The following RANBP2 variants were observed in gnomAD, a reference collection of about 807,000 sequenced individuals.
RANBP2 encodes RAN binding protein 2, also known as E3 SUMO-protein ligase RanBP2.
RANBP2 carries 57 observed loss-of-function variants against 303.6 expected under a neutral mutation model. The ratio of observed to expected loss-of-function variants is 0.19; its 90% CI spans 0.15 to 0.23. RANBP2 has a LOEUF of 0.23. Among genes scored for constraint, RANBP2 ranks in the 10% least tolerant of loss-of-function variants. The pLI, the probability that RANBP2 is intolerant of heterozygous loss-of-function variation, is 1.00. For synonymous variants in RANBP2, 1,167 were observed against 1,301.5 expected, an observed-to-expected ratio of 0.90 and a Z score of 2.23; for missense variants, 3,138 against 3,780.8, an observed-to-expected ratio of 0.83 and a Z score of 4.46.
chr2:108,926,778 C>T, the RANBP2 span, among the ~76,000 whole-genome samples: 290 of 152,360 alleles, frequency 1.9e-3, 2 homozygotes, highest in Admixed American at 3.6e-3. Context: ...TGCCAAACCG[C>T]AGGCAGGGGC....
the RANBP2 span, among the ~76,000 whole-genome samples, chr2:108,931,327 G>C: frequency 1.3e-5 from 2 of 152,206 alleles, no homozygotes; most frequent in Admixed American, 6.5e-5. Context: ...CGTGCTCAGA[G>C]GGTTTGGAGA....
At chr2:109,616,110 T>C in the RANBP2 span, 2 of 1,446,594 alleles carry the variant, frequency 1.4e-6, no homozygotes, top group Non-Finnish European at 1.8e-6. Flanking sequence ...TTTGTCTTAA[T>C]AAATTGAATA....
the RANBP2 span, among the ~76,000 whole-genome samples, chr2:109,677,317 C>A: frequency 6.6e-6 from 1 of 152,154 alleles, no homozygotes; most frequent in Non-Finnish European, 1.5e-5. Context: ...CAGTGTCCTG[C>A]CCGACGTTTC....
the RANBP2 span, among the ~76,000 whole-genome samples, chr2:108,943,775 C>G: frequency 6.6e-6 from 1 of 152,164 alleles, no homozygotes; most frequent in Admixed American, 6.5e-5. Context: ...CCTCCTTTCT[C>G]CAGGATGCTC....
chr2:109,668,543 C>G, the RANBP2 span, among the ~76,000 whole-genome samples: 3 of 152,132 alleles, frequency 2.0e-5, no homozygotes, highest in African/African-American at 7.2e-5. Context: ...GAGGGACTAC[C>G]AGAGAAAGTG....
the RANBP2 span, among the ~76,000 whole-genome samples, chr2:108,966,986 G>T: frequency 6.6e-6 from 1 of 152,354 alleles, no homozygotes; most frequent in East Asian, 1.9e-4. Flanking sequence ...CCAGGCTGGA[G>T]TGCTGTGGCA....
chr2:109,084,664 C>T, the RANBP2 span, among the ~76,000 whole-genome samples: 1 of 152,132 alleles, frequency 6.6e-6, no homozygotes, highest in Non-Finnish European at 1.5e-5. Flanking sequence ...GGTCCAGGTT[C>T]GAAGGAGCTG....
the RANBP2 span, among the ~76,000 whole-genome samples, chr2:109,320,236 G>C: frequency 9.8e-5 from 15 of 152,324 alleles, no homozygotes; most frequent in Middle Eastern, 3.4e-3. Flanking sequence ...TTTGAGGGCT[G>C]CTTTCCGGGC....
the RANBP2 span, among the ~76,000 whole-genome samples, chr2:109,072,733 G>T: frequency 6.6e-6 from 1 of 152,150 alleles, no homozygotes; most frequent in Non-Finnish European, 1.5e-5. Flanking sequence ...ATAAACTTCT[G>T]CTCTTAGCTT....
At chr2:108,745,271 T>A (rs28544899) in intron 7 of RANBP2, among the ~76,000 whole-genome samples, 3,147 of 142,854 alleles carry the variant, frequency 0.022, 115 homozygotes, top group African/African-American at 0.079. Flanking sequence ...TGTATCAAAT[T>A]ACATTTCCAC....
the RANBP2 span, among the ~76,000 whole-genome samples, chr2:109,307,435 T>TTC: frequency 6.7e-6 from 1 of 150,356 alleles, no homozygotes; most frequent in Non-Finnish European, 1.5e-5. Flanking sequence ...TTTTTTTTAT[T>TTC]ATTATACTTT....
At chr2:109,553,259 T>C in the RANBP2 span, 2 of 1,609,162 alleles carry the variant, frequency 1.2e-6, no homozygotes, top group Non-Finnish European at 1.7e-6. Context: ...TAAAAAGTGA[T>C]ATAGGTCGGG....
At chr2:109,371,555 G>A in the RANBP2 span, 3 of 1,593,206 alleles carry the variant, frequency 1.9e-6, no homozygotes, top group Non-Finnish European at 2.6e-6. Context: ...GTGTCCGTAT[G>A]CTTGTGTCCA....
chr2:108,950,953 G>A, the RANBP2 span, among the ~76,000 whole-genome samples: 4 of 152,224 alleles, frequency 2.6e-5, no homozygotes, highest in Admixed American at 6.5e-5. Context: ...AAGGGCAGCT[G>A]CCAGTTGGGG....
At chr2:108,788,061 G>A, downstream of RANBP2, 2 of 1,593,864 alleles carry the variant, frequency 1.3e-6, no homozygotes, top group Non-Finnish European at 1.7e-6. Flanking sequence ...ATCAGTCTAA[G>A]TATAAGAGAA....
At chr2:109,264,036 T>C in the RANBP2 span, among the ~76,000 whole-genome samples, 3 of 152,234 alleles carry the variant, frequency 2.0e-5, no homozygotes, top group Non-Finnish European at 4.4e-5. Context: ...AAGCCCTACA[T>C]GGTTTGCAAA....
the RANBP2 span, among the ~76,000 whole-genome samples, chr2:109,437,948 G>C: frequency 2.6e-5 from 4 of 152,168 alleles, no homozygotes; most frequent in Non-Finnish European, 5.9e-5. Flanking sequence ...CCCAGGACAA[G>C]AGGGGATAAC....
At chr2:108,914,494 A>G in the RANBP2 span, among the ~76,000 whole-genome samples, 12 of 152,262 alleles carry the variant, frequency 7.9e-5, no homozygotes, top group African/African-American at 2.9e-4. Flanking sequence ...TTCTATGGAA[A>G]AAGTGTGACT....
chr2:109,040,009 G>A, the RANBP2 span, among the ~76,000 whole-genome samples: 6 of 152,054 alleles, frequency 3.9e-5, no homozygotes, highest in Non-Finnish European at 5.9e-5. Context: ...TTAAGTTAGT[G>A]CTTTTTGTAT....
Sources: gnomAD v4.1 joint callset for allele counts (sites outside exome capture counted in the v4.1 genomes callset) on GRCh38, gnomAD v4.1.1 for gene constraint, MANE v1.5 for transcripts, NCBI Gene and HGNC (gene_info 2026-07-23, HGNC 2026-07-21) for gene names.